MARCHF4: variants seen among roughly 807,000 people sequenced by gnomAD.
MARCHF4 encodes the protein E3 ubiquitin-protein ligase MARCHF4.
MARCHF4 carries 14 observed loss-of-function variants against 43.9 expected under a neutral mutation model. That is an observed-to-expected ratio of 0.32 (90% CI 0.21 to 0.50). The LOEUF is 0.50. Ranked by LOEUF, MARCHF4 falls within the 20% of genes least tolerant of loss-of-function variation. The pLI is 0.98. For missense variants in MARCHF4, 468 were observed against 536.7 expected (o/e 0.87, Z 1.27); for synonymous variants, 226 against 213.3 (o/e 1.06, Z -0.52).
chr2:216,280,896 T>G (rs1461817581), intron 2 of MARCHF4, among the ~76,000 whole-genome samples: 1 of 151,916 alleles, frequency 6.6e-6, no homozygotes, highest in Non-Finnish European at 1.5e-5. Context: ...GCAATTCACA[T>G]GTAACAAAGA....
intron 3 of MARCHF4, among the ~76,000 whole-genome samples, chr2:216,275,202 T>C (rs918561217): frequency 2.0e-5 from 3 of 152,088 alleles, no homozygotes; most frequent in African/African-American, 7.2e-5. Flanking sequence ...ATTAGAGAGA[T>C]AGAAGTGTGC....
intron 1 of MARCHF4, among the ~76,000 whole-genome samples, chr2:216,324,644 TGCAAG>T (rs1326497012): frequency 1.3e-5 from 2 of 150,938 alleles, no homozygotes; most frequent in Non-Finnish European, 3.0e-5. Context: ...ATCCCTGGGA[TGCAAG>T]GCTGGTTCAA....
At chr2:216,334,645 C>T (rs1175135633) in intron 1 of MARCHF4, among the ~76,000 whole-genome samples, 1 of 152,184 alleles carries the variant, frequency 6.6e-6, no homozygotes, top group Non-Finnish European at 1.5e-5. Flanking sequence ...AAGCAATCCT[C>T]CCACCTCAGC....
intron 1 of MARCHF4, among the ~76,000 whole-genome samples, chr2:216,344,867 T>C (rs767944990): frequency 7.2e-5 from 11 of 151,832 alleles, no homozygotes; most frequent in Non-Finnish European, 1.5e-4. Flanking sequence ...TGGAATGAGC[T>C]GGGACAAAGA....
intron 1 of MARCHF4, among the ~76,000 whole-genome samples, chr2:216,333,738 C>T (rs1392150153): frequency 6.6e-6 from 1 of 152,156 alleles, no homozygotes; most frequent in East Asian, 1.9e-4. Context: ...CACCTTTTCT[C>T]CCTCAGGAGC....
chr2:216,369,622 C>T, intron 1 of MARCHF4, 123 bp downstream of exon 1: 2 of 727,794 alleles, frequency 2.7e-6, no homozygotes, highest in East Asian at 5.5e-5. Flanking sequence ...TCAATGAGGG[C>T]TCTTAAACAT....
At chr2:216,334,638 C>A (rs1692131314) in intron 1 of MARCHF4, among the ~76,000 whole-genome samples, 1 of 152,124 alleles carries the variant, frequency 6.6e-6, no homozygotes. Flanking sequence ...TGGCCTCAAG[C>A]AATCCTCCCA....
chr2:216,260,782 T>C (rs1487496617), intron 3 of MARCHF4, among the ~76,000 whole-genome samples: 1 of 152,206 alleles, frequency 6.6e-6, no homozygotes, highest in African/African-American at 2.4e-5. Context: ...TGATTCACCC[T>C]TCATAAAGCC....
chr2:216,277,258 C>T lies in MARCHF4; in HGVS notation c.865+414G>A, dbSNP rs570450688. ...AGGCAGGGAGTGGGGGCAGATTCAACCATGGCTGTCTCTAGGTAGTTTGCT... is the reference window on the plus strand; with the variant it reads ...AGGCAGGGAGTGGGGGCAGATTCAATCATGGCTGTCTCTAGGTAGTTTGCT... On this transcript the variant is annotated intron_variant, in intron 3 of 3. Transcript: ENST00000273067. Among the ~76,000 whole-genome samples, 448 of 152,230 alleles carry T rather than the reference C, an allele frequency of 2.9e-3. 1 individual carries two copies. Among genetic ancestry groups the T allele is most frequent in the African/African-American group, 0.01 (433 of 41,536 alleles).
chr2:216,293,661 T>C (rs1478304787), intron 1 of MARCHF4, among the ~76,000 whole-genome samples: 1 of 137,586 alleles, frequency 7.3e-6, no homozygotes, highest in Non-Finnish European at 1.7e-5. Flanking sequence ...ATTTTCACAA[T>C]AATTATTTTG....
intron 1 of MARCHF4, among the ~76,000 whole-genome samples, chr2:216,341,295 A>G (rs1381392159): frequency 6.6e-6 from 1 of 152,150 alleles, no homozygotes; most frequent in Non-Finnish European, 1.5e-5. Flanking sequence ...GAATGACTGT[A>G]CTTTGGCTAC....
intron 1 of MARCHF4, among the ~76,000 whole-genome samples, chr2:216,353,130 A>G (rs1311682410): frequency 2.0e-5 from 3 of 152,182 alleles, no homozygotes; most frequent in Non-Finnish European, 4.4e-5. Flanking sequence ...CTAACTTCAA[A>G]TGACAACACT....
intron 1 of MARCHF4, among the ~76,000 whole-genome samples, chr2:216,326,872 T>C (rs1439157006): frequency 3.3e-5 from 5 of 151,284 alleles, no homozygotes; most frequent in Non-Finnish European, 7.4e-5. Context: ...GATGACGAGT[T>C]AGTGGGTGCA....
rs868432527 is a variant in MARCHF4 at position 216,369,029 on chromosome 2, G to A, written c.516+716C>T. Among the ~76,000 whole-genome samples, 5 of 152,268 alleles carry A rather than the reference G, an allele frequency of 3.3e-5. No homozygotes were observed. The South Asian group carries it at 6.2e-4, about 19-fold the overall frequency. On this transcript the variant is annotated intron_variant, in intron 1 of 3. Transcript: ENST00000273067. The stretch of plus-strand genomic sequence containing the variant: ...TTTTCTAAGTCAACACACTTTTTAG[G>A]TCTGAAAAGGGAAATAGCAAGATAC...
At chr2:216,287,019 C>G (rs1452810703) in intron 1 of MARCHF4, among the ~76,000 whole-genome samples, 2 of 152,190 alleles carry the variant, frequency 1.3e-5, no homozygotes, top group South Asian at 2.1e-4. Context: ...GGGCGTCAGA[C>G]GCTGAGCTTC....
chr2:216,318,827 A>G (rs17484605), intron 1 of MARCHF4, among the ~76,000 whole-genome samples: 41,642 of 152,026 alleles, frequency 0.27, 6,888 homozygotes, highest in Non-Finnish European at 0.36. Flanking sequence ...GATGTGACTA[A>G]GAAAAAATCA....
In MARCHF4 at chr2:216,369,753, G is replaced by A. The variant is rs897475138; in HGVS notation, c.508C>T (p.Pro170Ser). The change falls in exon 1 of 4, where the codon CCA becomes TCA. Residue 170 changes from proline to serine, a missense_variant. Pro to Ser is a moderately conservative substitution (Grantham distance 74). This residue lies in a region of MARCHF4 where 158 missense variants were observed against 251.1 expected (regional missense o/e 0.63). Transcript: ENST00000273067. Reference protein sequence around the residue: ...TPLCRICFQGPEQGELLSPCR... With the variant: ...TPLCRICFQGSEQGELLSPCR... ...GAGAAAAGGGGACTCACCTGTTCTG[G>A]CCCCTGGAAGCAGATGCGGCAGAGT... 1.9e-6 allele frequency: 3 copies of A among 1,590,232 alleles called. No homozygotes were observed. Among genetic ancestry groups the A allele is most frequent in the Non-Finnish European group, 2.6e-6 (3 of 1,164,484 alleles).
At chr2:216,260,596 G>C (rs1002330001) in intron 3 of MARCHF4, among the ~76,000 whole-genome samples, 6 of 152,194 alleles carry the variant, frequency 3.9e-5, no homozygotes, top group African/African-American at 1.4e-4. Flanking sequence ...GAATGAACAA[G>C]GTCAGAGAGA....
chr2:216,332,867 C>T (rs779137806), intron 1 of MARCHF4, among the ~76,000 whole-genome samples: 1 of 152,134 alleles, frequency 6.6e-6, no homozygotes, highest in Non-Finnish European at 1.5e-5. Context: ...TACACGGATA[C>T]ACAATTACTT....
Sources: allele counts gnomAD v4.1 joint callset (sites outside exome capture counted in the v4.1 genomes callset), GRCh38; gene constraint gnomAD v4.1.1; regional missense constraint gnomAD v4.1.1; transcripts MANE v1.5; gene names NCBI Gene and HGNC (gene_info 2026-07-23, HGNC 2026-07-21).